The following GRIK1 variants were observed in gnomAD, a reference collection of about 807,000 sequenced individuals.
GRIK1 encodes the protein glutamate receptor ionotropic, kainate 1.
In GRIK1, 69 loss-of-function variants were observed where a neutral mutation model predicts 105.7. The observed-to-expected ratio is 0.65, with a 90% CI of 0.54 to 0.80. GRIK1 has a LOEUF of 0.80. Among genes scored for constraint, GRIK1 ranks in the 30% least tolerant of loss-of-function variants. GRIK1 has a pLI of 0.00. For missense variants in GRIK1, 1,109 were observed against 1,167.3 expected (o/e 0.95, Z 0.73); for synonymous variants, 438 against 431.3 (o/e 1.02, Z -0.19).
intron 1 of GRIK1, among the ~76,000 whole-genome samples, chr21:29,821,836 A>G (rs1454318983): frequency 6.6e-6 from 1 of 152,034 alleles, no homozygotes; most frequent in African/African-American, 2.4e-5. Flanking sequence ...ACTAGTATCT[A>G]TTTTATCATA....
chr21:29,938,752 C>T (rs1190697852), intron 1 of GRIK1, among the ~76,000 whole-genome samples: 3 of 152,126 alleles, frequency 2.0e-5, no homozygotes, highest in African/African-American at 7.2e-5. Context: ...GCTAACTGAC[C>T]GTCCTTCTCA....
At chr21:29,727,156 G>T (rs528207429) in intron 1 of GRIK1, among the ~76,000 whole-genome samples, 1 of 152,174 alleles carries the variant, frequency 6.6e-6, no homozygotes, top group South Asian at 2.1e-4. Flanking sequence ...AAGCTCCTGA[G>T]CTCAGGTGAT....
intron 3 of GRIK1, among the ~76,000 whole-genome samples, chr21:29,679,598 T>G (rs2063334403): frequency 6.6e-6 from 1 of 152,216 alleles, no homozygotes; most frequent in Non-Finnish European, 1.5e-5. Flanking sequence ...TGACTCAATT[T>G]CTGATATCAT....
At chr21:29,635,555 G>A (rs777460222) in intron 7 of GRIK1, among the ~76,000 whole-genome samples, 4 of 152,314 alleles carry the variant, frequency 2.6e-5, no homozygotes, top group Middle Eastern at 3.4e-3. Context: ...TGATATAAAT[G>A]TGAGAAAGGC....
At chr21:29,671,643 A>G (rs1309744133) in intron 4 of GRIK1, among the ~76,000 whole-genome samples, 1 of 152,162 alleles carries the variant, frequency 6.6e-6, no homozygotes, top group Non-Finnish European at 1.5e-5. Flanking sequence ...GGGTTTATCT[A>G]CTTATGAAAT....
In GRIK1 at chr21:29,555,119, A is replaced by G; in HGVS notation, c.2540T>C (p.Val847Ala). ...TCCAATAGCTACAAATACAGAAAGG[A>G]CCAGTCCGGCAGCCAGAACAATGAA... ...GIFIVLAAGL[V>A]LSVFVAIGEF... Residue 847 changes from valine (V) to alanine (A), a missense_variant, in exon 16 of 18, where the codon GTC becomes GCC. Around this residue, in one of 5 missense-constraint regions of GRIK1, gnomAD observed 161 missense variants for 143.4 expected, o/e 1.12. Coordinates refer to ENST00000327783, the MANE Select transcript of GRIK1 (RefSeq NM_001330994.2). 1 of 1,613,044 alleles carries G rather than the reference A, an allele frequency of 6.2e-7. No homozygotes were observed. Among genetic ancestry groups the G allele is most frequent in the Non-Finnish European group, 8.5e-7 (1 of 1,179,058 alleles).
At chr21:29,630,836 G>A (rs766523700) in intron 7 of GRIK1, 21 of 349,558 alleles carry the variant, frequency 6.0e-5, no homozygotes, top group Non-Finnish European at 1.0e-4. Flanking sequence ...TTCTCTCTCT[G>A]TCACCTAGGC....
chr21:29,700,903 A>C (rs2063800132), intron 1 of GRIK1, among the ~76,000 whole-genome samples: 1 of 152,168 alleles, frequency 6.6e-6, no homozygotes, highest in Admixed American at 6.5e-5. Flanking sequence ...AAAACAAACA[A>C]AAAAAACACA....
At chr21:29,928,151 C>T (rs1482793910) in intron 1 of GRIK1, among the ~76,000 whole-genome samples, 1 of 152,190 alleles carries the variant, frequency 6.6e-6, no homozygotes, top group African/African-American at 2.4e-5. Context: ...TCTGCCACCA[C>T]AGATAAGCAA....
intron 1 of GRIK1, among the ~76,000 whole-genome samples, chr21:29,802,285 T>C (rs747503154): frequency 6.6e-6 from 1 of 152,272 alleles, no homozygotes; most frequent in African/African-American, 2.4e-5. Flanking sequence ...ACTCTTTATG[T>C]CTCTGACTAC....
intron 2 of GRIK1, among the ~76,000 whole-genome samples, chr21:29,691,506 C>A (rs1256514007): frequency 6.6e-6 from 1 of 152,196 alleles, no homozygotes; most frequent in African/African-American, 2.4e-5. Context: ...TCACTTGAAA[C>A]ATATTAACCA....
intron 4 of GRIK1, among the ~76,000 whole-genome samples, chr21:29,665,531 A>G (rs555973146): frequency 9.2e-5 from 14 of 152,352 alleles, no homozygotes; most frequent in African/African-American, 3.1e-4. Flanking sequence ...AAAGACTATC[A>G]AAGGACTGGA....
chr21:29,555,816 A>C (rs950491363), intron 15 of GRIK1, among the ~76,000 whole-genome samples: 2 of 152,182 alleles, frequency 1.3e-5, no homozygotes, highest in Admixed American at 6.5e-5. Context: ...ATGCCAGACA[A>C]GGGTTAAGTC....
At chr21:29,868,657 C>T (rs2146124362) in intron 1 of GRIK1, among the ~76,000 whole-genome samples, 1 of 152,248 alleles carries the variant, frequency 6.6e-6, no homozygotes, top group Non-Finnish European at 1.5e-5. Context: ...TCTTTCCTGC[C>T]TGGTCCTCCT....
intron 1 of GRIK1, among the ~76,000 whole-genome samples, chr21:29,700,346 G>A (rs1463669043): frequency 6.6e-6 from 1 of 152,174 alleles, no homozygotes; most frequent in East Asian, 1.9e-4. Context: ...TAGACTTACA[G>A]GAGAATTGTT....
Position 29,892,673 on chromosome 21 carries a change from T to C in GRIK1, c.118+46710A>G, listed in dbSNP as rs1271869683. On this transcript the variant is annotated intron_variant, in intron 1 of 17. Coordinates refer to ENST00000327783, the MANE Select transcript of GRIK1 (RefSeq NM_001330994.2). ...GGACAGGATCCACAAGCTGGAGCAA[T>C]GGTCTCCAGGCTCCCTTAAGCCCTT... 2.6e-5 allele frequency among the ~76,000 whole-genome samples: 4 copies of C among 152,202 alleles called. 1 individual carries two copies. In the South Asian group the frequency reaches 8.3e-4, roughly 32 times the overall value.
At chr21:29,860,827 T>C (rs2068612701) in intron 1 of GRIK1, among the ~76,000 whole-genome samples, 2 of 152,164 alleles carry the variant, frequency 1.3e-5, no homozygotes, top group Admixed American at 1.3e-4. Context: ...CTTTTGAACA[T>C]TTGAAAGAGC....
chr21:29,928,920 C>G (rs767638194), intron 1 of GRIK1, among the ~76,000 whole-genome samples: 3 of 152,080 alleles, frequency 2.0e-5, no homozygotes, highest in Non-Finnish European at 4.4e-5. Flanking sequence ...AAATAGAAAG[C>G]GAGGAAACTC....
At chr21:29,586,722 A>G (rs1011098656) in intron 12 of GRIK1, among the ~76,000 whole-genome samples, 1 of 152,132 alleles carries the variant, frequency 6.6e-6, no homozygotes, top group African/African-American at 2.4e-5. Context: ...CAAAATGGTT[A>G]AATACAGAGT....
Sources: allele counts gnomAD v4.1 joint callset (sites outside exome capture counted in the v4.1 genomes callset), GRCh38; gene constraint gnomAD v4.1.1; regional missense constraint gnomAD v4.1.1; transcripts MANE v1.5; gene names NCBI Gene and HGNC (gene_info 2026-07-23, HGNC 2026-07-21).